UNC13C: variants seen among roughly 807,000 people sequenced by gnomAD.
The protein encoded by UNC13C is unc-13 homolog C, also known as protein unc-13 homolog C.
A neutral mutation model predicts 245.4 loss-of-function variants in UNC13C; 174 were observed. The ratio of observed to expected loss-of-function variants is 0.71; its 90% CI spans 0.63 to 0.80. The LOEUF (loss-of-function observed/expected upper bound fraction) is 0.80. Ranked by LOEUF, UNC13C falls within the 30% of genes least tolerant of loss-of-function variation. The pLI is 0.00. For missense variants in UNC13C, 2,829 were observed against 2,602.9 expected, an observed-to-expected ratio of 1.09 and a Z score of -1.89; for synonymous variants, 992 against 895.1, an observed-to-expected ratio of 1.11 and a Z score of -1.93.
intron 10 of UNC13C, among the ~76,000 whole-genome samples, chr15:54,272,103 G>A (rs62011988): frequency 0.05 from 7,537 of 152,172 alleles, 224 homozygotes; most frequent in Admixed American, 0.085. Flanking sequence ...TCTCAGTTTC[G>A]CCATGGGAAA....
chr15:54,495,412 G>C (rs543853304), intron 20 of UNC13C, among the ~76,000 whole-genome samples: 1 of 151,950 alleles, frequency 6.6e-6, no homozygotes. Context: ...CTAATTTAAG[G>C]AGCATAAGCA....
At chr15:54,349,217 T>A (rs1040188810) in intron 17 of UNC13C, among the ~76,000 whole-genome samples, 42 of 150,998 alleles carry the variant, frequency 2.8e-4, no homozygotes, top group African/African-American at 9.9e-4. Flanking sequence ...GACTAGTATA[T>A]AAAATTTTAC....
chr15:54,294,350 C>T (rs1000638246), intron 11 of UNC13C, among the ~76,000 whole-genome samples: 1 of 152,086 alleles, frequency 6.6e-6, no homozygotes, highest in Admixed American at 6.6e-5. Flanking sequence ...GTATGAAATA[C>T]AGCTTCACAA....
At chr15:54,463,873 G>C (rs1045957155) in intron 19 of UNC13C, among the ~76,000 whole-genome samples, 1 of 152,162 alleles carries the variant, frequency 6.6e-6, no homozygotes, top group African/African-American at 2.4e-5. Context: ...CAGAGGGTAA[G>C]ACCATGGGAG....
chr15:54,379,130 G>A (rs1424242719), intron 17 of UNC13C, among the ~76,000 whole-genome samples: 1 of 151,906 alleles, frequency 6.6e-6, no homozygotes, highest in Non-Finnish European at 1.5e-5. Context: ...TTTGTTTTCA[G>A]TTATTAATAG....
At chr15:53,889,514 T>C in the UNC13C span, among the ~76,000 whole-genome samples, 3 of 152,322 alleles carry the variant, frequency 2.0e-5, no homozygotes, top group South Asian at 6.2e-4. Context: ...ACAATTTGAC[T>C]TCCTTTCTTC....
chr15:54,129,963 C>A (rs901310343), intron 2 of UNC13C, among the ~76,000 whole-genome samples: 2 of 148,190 alleles, frequency 1.3e-5, no homozygotes, highest in Non-Finnish European at 3.0e-5. Flanking sequence ...ATCTATTTTA[C>A]TTTTTTGTTA....
chr15:54,410,125 A>T (rs547390572), intron 18 of UNC13C, among the ~76,000 whole-genome samples: 8 of 152,314 alleles, frequency 5.3e-5, no homozygotes, highest in Non-Finnish European at 8.8e-5. Flanking sequence ...CGTAATGATT[A>T]GTAACATCAA....
intron 17 of UNC13C, among the ~76,000 whole-genome samples, chr15:54,357,926 T>TA (rs2039134662): frequency 6.6e-6 from 1 of 152,072 alleles, no homozygotes; most frequent in South Asian, 2.1e-4. Context: ...TCTTTATTAT[T>TA]ATCAAAAGCC....
Position 54,264,405 on chromosome 15 carries a change from A to T in UNC13C, c.3676+10A>T, listed in dbSNP as rs1482660314. 1.3e-6 allele frequency: 2 copies of T among 1,555,248 alleles called. No homozygotes were observed. Among genetic ancestry groups the T allele is most frequent in the East Asian group, 4.7e-5 (2 of 42,422 alleles). On this transcript the variant is annotated intron_variant, in intron 9 of 32. Coordinates refer to ENST00000260323, the MANE Select transcript of UNC13C (RefSeq NM_001080534.3). ...AAAATAACCATTACAGGTAAAAATA[A>T]GTCTTCTTAAAAATTTGTATTGTAA...
intron 30 of UNC13C, among the ~76,000 whole-genome samples, chr15:54,584,753 A>G (rs1421051305): frequency 6.6e-6 from 1 of 152,244 alleles, no homozygotes; most frequent in Non-Finnish European, 1.5e-5. Context: ...GTAATATTTC[A>G]TCTGGTCCTC....
At chr15:54,205,187 T>C (rs74019410) in intron 4 of UNC13C, among the ~76,000 whole-genome samples, 2,447 of 152,026 alleles carry the variant, frequency 0.016, 54 homozygotes, top group African/African-American at 0.054. Flanking sequence ...GAAAAAATGA[T>C]TGGTAGTGTA....
At chr15:54,546,986 C>T (rs1896514468) in intron 27 of UNC13C, 141 bp downstream of exon 27, 4 of 775,458 alleles carry the variant, frequency 5.2e-6, no homozygotes, top group Non-Finnish European at 8.0e-6. Context: ...AATGATCATT[C>T]AAATGATAGT....
chr15:54,468,143 G>T (rs531286021), intron 19 of UNC13C, among the ~76,000 whole-genome samples: 2 of 151,436 alleles, frequency 1.3e-5, no homozygotes, highest in South Asian at 4.2e-4. Flanking sequence ...ATATCTTTTT[G>T]ATTATAGCCA....
chr15:54,301,335 A>T (rs1263299728), intron 13 of UNC13C, among the ~76,000 whole-genome samples: 1 of 150,084 alleles, frequency 6.7e-6, no homozygotes, highest in Non-Finnish European at 1.5e-5. Flanking sequence ...CATGTGCAGA[A>T]TGTGCATGTT....
chr15:54,235,425 G>A (rs1250691523), intron 5 of UNC13C, among the ~76,000 whole-genome samples: 1 of 152,130 alleles, frequency 6.6e-6, no homozygotes, highest in African/African-American at 2.4e-5. Flanking sequence ...TTAGTGTTAT[G>A]AATGACCAGA....
At chr15:53,996,716 G>A (rs1278655367) in intron 1 of UNC13C, among the ~76,000 whole-genome samples, 1 of 151,892 alleles carries the variant, frequency 6.6e-6, no homozygotes, top group Non-Finnish European at 1.5e-5. Flanking sequence ...AAATCATAGA[G>A]TATGTATTCT....
At chr15:54,356,967 T>G (rs1464991005) in intron 17 of UNC13C, among the ~76,000 whole-genome samples, 2 of 152,276 alleles carry the variant, frequency 1.3e-5, no homozygotes, top group African/African-American at 4.8e-5. Context: ...GACCTTGTTC[T>G]ATTTTAAGGA....
intron 30 of UNC13C, among the ~76,000 whole-genome samples, chr15:54,577,171 G>A (rs1897811072): frequency 6.6e-6 from 1 of 151,098 alleles, no homozygotes; most frequent in Non-Finnish European, 1.5e-5. Flanking sequence ...AATACAAAGG[G>A]GCATATAAAA....
Sources: gnomAD v4.1 joint callset for allele counts (sites outside exome capture counted in the v4.1 genomes callset) on GRCh38, gnomAD v4.1.1 for gene constraint, MANE v1.5 for transcripts, NCBI Gene and HGNC (gene_info 2026-07-23, HGNC 2026-07-21) for gene names.